N4BP2: variants seen among roughly 807,000 people sequenced by gnomAD.
The protein encoded by N4BP2 is NEDD4-binding protein 2.
N4BP2 carries 91 observed loss-of-function variants against 152.8 expected under a neutral mutation model. That is an observed-to-expected ratio of 0.60 (90% CI 0.50 to 0.71). N4BP2 has a LOEUF of 0.71. Ranked by LOEUF, N4BP2 falls within the 30% of genes least tolerant of loss-of-function variation. N4BP2 has a pLI of 0.00. For missense variants in N4BP2, 1,923 were observed against 2,059.1 expected (o/e 0.93, Z 1.28); for synonymous variants, 646 against 705.3 (o/e 0.92, Z 1.33).
At chr4:40,132,029 T>C in intron 13 of N4BP2, 110 bp downstream of exon 13, 2 of 758,194 alleles carry the variant, frequency 2.6e-6, no homozygotes, top group Non-Finnish European at 4.5e-6. Flanking sequence ...TAGTCTCTCC[T>C]AATCTGTGGG....
chr4:40,144,565 A>G, intron 15 of N4BP2, 67 bp from the exon 16 acceptor site: 6 of 1,293,542 alleles, frequency 4.6e-6, no homozygotes, highest in East Asian at 4.8e-5. Flanking sequence ...TTGGGGCACT[A>G]TTAACTTCCT....
chr4:40,136,132 T>A (rs903461467), intron 13 of N4BP2, among the ~76,000 whole-genome samples: 1 of 152,196 alleles, frequency 6.6e-6, no homozygotes, highest in Non-Finnish European at 1.5e-5. Flanking sequence ...TTCTTTTCTG[T>A]ATCCCTGCTT....
chr4:40,172,114 G>A, the N4BP2 span, among the ~76,000 whole-genome samples: 1 of 152,056 alleles, frequency 6.6e-6, no homozygotes, highest in Non-Finnish European at 1.5e-5. Context: ...CATCATGTTG[G>A]CCAGACTAGT....
intron 6 of N4BP2, 144 bp downstream of exon 6, chr4:40,112,316 A>T: frequency 1.9e-6 from 1 of 539,770 alleles, no homozygotes; most frequent in South Asian, 3.1e-5. Flanking sequence ...GTTCAGCAAA[A>T]TGAGGAAATT....
chr4:40,128,695 T>C (rs537160269), intron 12 of N4BP2, among the ~76,000 whole-genome samples: 2 of 152,112 alleles, frequency 1.3e-5, no homozygotes, highest in African/African-American at 4.8e-5. Flanking sequence ...ACCCAGCTAA[T>C]TTTTGTAATT....
At chr4:40,164,244 C>G in the N4BP2 span, among the ~76,000 whole-genome samples, 10 of 152,156 alleles carry the variant, frequency 6.6e-5, no homozygotes, top group East Asian at 1.9e-3. Flanking sequence ...AGAACAGATT[C>G]AGAAAGTTTG....
chr4:40,181,075 G>A, the N4BP2 span, among the ~76,000 whole-genome samples: 2 of 152,166 alleles, frequency 1.3e-5, no homozygotes, highest in African/African-American at 4.8e-5. Context: ...GCTTGAACCT[G>A]GGAGGCAGAG....
intron 16 of N4BP2, among the ~76,000 whole-genome samples, chr4:40,148,303 C>T (rs1198553086): frequency 6.6e-6 from 1 of 152,226 alleles, no homozygotes; most frequent in Non-Finnish European, 1.5e-5. Context: ...ATAAGAAAAC[C>T]AGTCACGCAT....
chr4:40,092,015 TATATATA>T (rs1714639338), intron 2 of N4BP2, among the ~76,000 whole-genome samples: 1 of 87,154 alleles, frequency 1.1e-5, no homozygotes, highest in African/African-American at 4.5e-5. Context: ...AAATTATATA[TATATATA>T]TATATATATA....
chr4:40,130,056 T>C (rs1396574664), intron 12 of N4BP2, among the ~76,000 whole-genome samples: 1 of 151,930 alleles, frequency 6.6e-6, no homozygotes, highest in Non-Finnish European at 1.5e-5. Flanking sequence ...TTTAATTTAT[T>C]TTTTTTTGAG....
chr4:40,125,716 G>A (rs1017066846), intron 11 of N4BP2, among the ~76,000 whole-genome samples: 7 of 151,924 alleles, frequency 4.6e-5, no homozygotes, highest in African/African-American at 7.3e-5. Context: ...TGAAACCCCC[G>A]TCTCTACTAA....
At chr4:40,123,595 T>C (rs1718132488) in intron 10 of N4BP2, among the ~76,000 whole-genome samples, 1 of 152,052 alleles carries the variant, frequency 6.6e-6, no homozygotes, top group Non-Finnish European at 1.5e-5. Context: ...ATGATCCTCC[T>C]GCCTTAGCCT....
the N4BP2 span, among the ~76,000 whole-genome samples, chr4:40,178,108 C>T: frequency 1.3e-5 from 2 of 151,336 alleles, no homozygotes; most frequent in Non-Finnish European, 3.0e-5. Context: ...TGCAGTGAGC[C>T]GAGATCATGC....
At chr4:40,147,478 A>G (rs1720662397) in intron 16 of N4BP2, among the ~76,000 whole-genome samples, 1 of 151,398 alleles carries the variant, frequency 6.6e-6, no homozygotes. Context: ...CTCACTTCCC[A>G]GAAGGGGCGG....
chr4:40,123,203 A>G lies in N4BP2; in HGVS notation c.4275A>G (p.Glu1425=). The part of the protein sequence containing the change: ...LAKVIHEKWK[E]SVMERQRQEE... Reference sequence around the variant, plus strand: ...AAGTGATTCATGAGAAATGGAAAGAATCTGTAATGGTTGGTAGGCTTCTTT... The same window carrying G: ...AAGTGATTCATGAGAAATGGAAAGAGTCTGTAATGGTTGGTAGGCTTCTTT... Residue 1425 remains glutamate (E), a synonymous_variant, in exon 10 of 18, where the codon GAA becomes GAG. Transcript: ENST00000261435. The G allele has an allele frequency of 6.2e-7, 1 of 1,609,092 alleles. No homozygotes were observed. Among genetic ancestry groups the G allele is most frequent in the Non-Finnish European group, 8.5e-7 (1 of 1,175,708 alleles).
At chr4:40,081,974 T>C (rs563150624) in intron 2 of N4BP2, among the ~76,000 whole-genome samples, 110 of 151,882 alleles carry the variant, frequency 7.2e-4, no homozygotes, top group Non-Finnish European at 1.3e-3. Flanking sequence ...TAGCCGGGTG[T>C]GGTGGCGCAT....
the N4BP2 span, among the ~76,000 whole-genome samples, chr4:40,165,141 G>T: frequency 0.014 from 2,086 of 151,952 alleles, 50 homozygotes; most frequent in African/African-American, 0.048. Flanking sequence ...GAATATAGTT[G>T]TCTCTTATAT....
At chr4:40,071,622 A>G (rs10011231) in intron 1 of N4BP2, among the ~76,000 whole-genome samples, 1 of 152,106 alleles carries the variant, frequency 6.6e-6, no homozygotes, top group Non-Finnish European at 1.5e-5. Context: ...GCTGGAGTGC[A>G]ATGGTGCGAT....
chr4:40,137,387 A>G (rs929055508), intron 14 of N4BP2, among the ~76,000 whole-genome samples: 2 of 152,202 alleles, frequency 1.3e-5, no homozygotes, highest in South Asian at 2.1e-4. Context: ...GAATATAAAC[A>G]TGTGGGCAGA....
Sources: gnomAD v4.1 joint callset for allele counts (sites outside exome capture counted in the v4.1 genomes callset) on GRCh38, gnomAD v4.1.1 for gene constraint, MANE v1.5 for transcripts, NCBI Gene and HGNC (gene_info 2026-07-23, HGNC 2026-07-21) for gene names.